The following ADCY2 variants were observed in gnomAD, a reference collection of about 807,000 sequenced individuals.
ADCY2 encodes adenylate cyclase 2, also known as adenylate cyclase type 2.
ADCY2 carries 31 observed loss-of-function variants against 125.2 expected under a neutral mutation model. The observed-to-expected ratio is 0.25, with a 90% CI of 0.19 to 0.33. ADCY2 has a LOEUF of 0.33. Among genes scored for constraint, ADCY2 ranks in the 10% least tolerant of loss-of-function variants. The probability of loss-of-function intolerance (pLI) is 1.00; values close to 1 mark genes in which losing one functional copy is unlikely to be tolerated. For synonymous variants in ADCY2, 512 were observed against 548.4 expected, an observed-to-expected ratio of 0.93 and a Z score of 0.93; for missense variants, 904 against 1,418.2, an observed-to-expected ratio of 0.64 and a Z score of 5.82.
chr5:7,761,152 T>TC (rs1560959492), intron 16 of ADCY2, among the ~76,000 whole-genome samples: 51 of 127,816 alleles, frequency 4.0e-4, no homozygotes, highest in African/African-American at 1.5e-3. Context: ...TCTTTTCTTT[T>TC]TTTTTTTTTT....
intron 3 of ADCY2, among the ~76,000 whole-genome samples, chr5:7,591,361 T>C (rs2126625759): frequency 6.6e-6 from 1 of 152,302 alleles, no homozygotes; most frequent in East Asian, 1.9e-4. Context: ...TTTAAGAAAG[T>C]AATGATCACA....
Position 7,784,428 on chromosome 5 carries a change from A to G in ADCY2, c.2448A>G (p.Thr816=), listed in dbSNP as rs752116621. ...GSVSLSIFFI[T]LLVLGRQNEY... ...TGTCTCTCTCTATATTCTTCATCAC[A>G]CTGCTTGTTCTGGGTAGACAGGTAA... The change falls in exon 19 of 25, where the codon ACA becomes ACG. Residue 816 remains threonine (T), a synonymous_variant. Transcript: ENST00000338316. The G allele has an allele frequency of 1.2e-5, 20 of 1,613,588 alleles. No homozygotes were observed. The Admixed American group carries it at 2.3e-4, about 19-fold the overall frequency.
At chr5:7,775,823 T>G (rs1667284887) in intron 18 of ADCY2, among the ~76,000 whole-genome samples, 2 of 152,354 alleles carry the variant, frequency 1.3e-5, no homozygotes, top group South Asian at 4.1e-4. Flanking sequence ...CTTGAACTGA[T>G]CCCTGAACGG....
intron 2 of ADCY2, among the ~76,000 whole-genome samples, chr5:7,498,626 T>C (rs1743434768): frequency 6.6e-6 from 1 of 152,222 alleles, no homozygotes; most frequent in Non-Finnish European, 1.5e-5. Flanking sequence ...GTATCTACTA[T>C]AGTTCAACAT....
chr5:7,776,692 C>A (rs1351687632), intron 18 of ADCY2, among the ~76,000 whole-genome samples: 1 of 152,094 alleles, frequency 6.6e-6, no homozygotes, highest in Non-Finnish European at 1.5e-5. Context: ...GAAGACCCAC[C>A]CTCAGTGTGA....
rs769259514 is a variant in ADCY2, at chr5:7,784,461, G to C, written c.2469+12G>C. On this transcript the variant is annotated intron_variant, in intron 19 of 24. Transcript: ENST00000338316. The stretch of plus-strand genomic sequence containing the variant: ...TTCTGGGTAGACAGGTAAGAAGTCT[G>C]TTTATATATATGTATGTATACCTTC... The C allele has an allele frequency of 4.4e-6, 7 of 1,594,140 alleles. No individual in the cohort carries two copies. The highest frequency in any genetic ancestry group is 2.7e-5 in the African/African-American group (2 of 74,448).
chr5:7,634,571 GAT>G (rs1738428614), intron 4 of ADCY2, among the ~76,000 whole-genome samples: 1 of 152,170 alleles, frequency 6.6e-6, no homozygotes, highest in Non-Finnish European at 1.5e-5. Flanking sequence ...AGGCATGTGA[GAT>G]AATGATACTC....
At chr5:7,609,645 G>A (rs1413697585) in intron 3 of ADCY2, among the ~76,000 whole-genome samples, 1 of 152,174 alleles carries the variant, frequency 6.6e-6, no homozygotes, top group East Asian at 1.9e-4. Flanking sequence ...GGAACATAGA[G>A]CAGAACATGA....
intron 16 of ADCY2, among the ~76,000 whole-genome samples, chr5:7,759,986 G>T (rs1743142403): frequency 6.6e-6 from 1 of 152,152 alleles, no homozygotes; most frequent in South Asian, 2.1e-4. Context: ...TCAGGGTGGG[G>T]AACTCAAGAT....
chr5:7,807,420 A>G (rs113334712), intron 22 of ADCY2, among the ~76,000 whole-genome samples: 2 of 152,282 alleles, frequency 1.3e-5, no homozygotes, highest in African/African-American at 4.8e-5. Context: ...CCAGATTCCA[A>G]AATTCCAGTC....
chr5:7,714,225 C>CT (rs1741527856), intron 11 of ADCY2, among the ~76,000 whole-genome samples: 1 of 152,170 alleles, frequency 6.6e-6, no homozygotes, highest in Admixed American at 6.5e-5. Flanking sequence ...CAATAAGATG[C>CT]TGACACATCT....
intron 3 of ADCY2, among the ~76,000 whole-genome samples, chr5:7,534,479 G>A (rs1031062875): frequency 7.9e-5 from 12 of 152,094 alleles, no homozygotes; most frequent in Non-Finnish European, 1.5e-4. Flanking sequence ...ACTCTAGACC[G>A]AGATATTAAA....
intron 22 of ADCY2, among the ~76,000 whole-genome samples, chr5:7,815,096 C>G (rs1480689009): frequency 1.3e-5 from 2 of 152,186 alleles, no homozygotes; most frequent in African/African-American, 4.8e-5. Flanking sequence ...GCACAGCGGT[C>G]AGCTTTGACC....
chr5:7,571,402 C>T (rs770543538), intron 3 of ADCY2, among the ~76,000 whole-genome samples: 16 of 152,204 alleles, frequency 1.1e-4, no homozygotes, highest in African/African-American at 1.4e-4. Context: ...GAAGGGAGAA[C>T]GAATTTGCCC....
chr5:7,596,758 T>G lies in ADCY2; in HGVS notation c.571-29409T>G, dbSNP rs996259306. Among the ~76,000 whole-genome samples the G allele has an allele frequency of 3.3e-5, 5 of 152,356 alleles. No individual in the cohort carries two copies. In the East Asian group the frequency reaches 9.6e-4, roughly 29 times the overall value. Reference sequence around the variant, plus strand: ...GTTGTTGCTGTTGCTACTATTGTTATTGTAATTATTTTAGTATTGTTATTA... The same window carrying G: ...GTTGTTGCTGTTGCTACTATTGTTAGTGTAATTATTTTAGTATTGTTATTA... On this transcript the variant is annotated intron_variant, in intron 3 of 24. Transcript: ENST00000338316.
chr5:7,667,039 G>C (rs1220310561), intron 4 of ADCY2, among the ~76,000 whole-genome samples: 6 of 152,310 alleles, frequency 3.9e-5, no homozygotes, highest in African/African-American at 1.4e-4. Flanking sequence ...TGATGGGATA[G>C]CCCAATGTAT....
intron 4 of ADCY2, among the ~76,000 whole-genome samples, chr5:7,664,257 C>T (rs955601840): frequency 1.3e-5 from 2 of 152,098 alleles, no homozygotes; most frequent in Non-Finnish European, 2.9e-5. Context: ...ATGTGAAAAA[C>T]ATGTGATTTT....
At chr5:7,591,238 T>C (rs1256440114) in intron 3 of ADCY2, among the ~76,000 whole-genome samples, 2 of 152,236 alleles carry the variant, frequency 1.3e-5, no homozygotes, top group Non-Finnish European at 2.9e-5. Context: ...GACAGAACTT[T>C]GTTTTTTTGG....
At chr5:7,583,460 C>A (rs1421366421) in intron 3 of ADCY2, among the ~76,000 whole-genome samples, 2 of 151,956 alleles carry the variant, frequency 1.3e-5, no homozygotes, top group East Asian at 3.9e-4. Context: ...GTGGTCCTAG[C>A]ATAAGGATCC....
Sources: gnomAD v4.1 joint callset for allele counts (sites outside exome capture counted in the v4.1 genomes callset) on GRCh38, gnomAD v4.1.1 for gene constraint, MANE v1.5 for transcripts, NCBI Gene and HGNC (gene_info 2026-07-23, HGNC 2026-07-21) for gene names.